Variants in NEB observed in about 807,000 individuals in gnomAD.
The protein encoded by NEB is nemaline myopathy type 2.
A neutral mutation model predicts 952.2 loss-of-function variants in NEB; 512 were observed. The ratio of observed to expected loss-of-function variants is 0.54; its 90% CI spans 0.50 to 0.58. The LOEUF is 0.58. Among genes scored for constraint, NEB ranks in the 20% least tolerant of loss-of-function variants. NEB has a pLI of 0.00. For synonymous variants in NEB, 2,900 were observed against 3,149.8 expected (o/e 0.92, Z 2.66); for missense variants, 8,428 against 9,231.1 (o/e 0.91, Z 3.56).
rs770784055 is a variant in NEB at position 151,717,476 on chromosome 2, C to T, written c.762G>A (p.Thr254=). Residue 254 remains threonine, a synonymous_variant, in exon 10 of 182, where the codon ACG becomes ACA. Coordinates refer to ENST00000397345, the MANE Select transcript of NEB (RefSeq NM_001164508.2). ...CTATATCTGGAGGATCAGCCAGAGG[C>T]GTGAATTGAGCTTGCTGTTCAGCGA... ...KGLAEQQAQF[T]PLADPPDIEF... is the part of the protein sequence containing the mutation. 33 of 1,613,746 alleles carry T rather than the reference C, an allele frequency of 2.0e-5. No homozygotes were observed. Among genetic ancestry groups the T allele is most frequent in the East Asian group, 8.9e-5 (4 of 44,888 alleles).
At chr2:151,486,014 A>G in intron 181 of NEB, 81 bp from the exon 182 acceptor site, 2 of 1,404,926 alleles carry the variant, frequency 1.4e-6, no homozygotes, top group Non-Finnish European at 2.0e-6. Context: ...AAGATCTCTC[A>G]TGACTGACTC....
intron 10 of NEB, among the ~76,000 whole-genome samples, chr2:151,712,814 G>GT (rs2099748891): frequency 6.6e-6 from 1 of 152,062 alleles, no homozygotes; most frequent in African/African-American, 2.4e-5. Context: ...CAGAGCTTTT[G>GT]TACAATACAT....
rs755544084 is a variant in NEB, at chr2:151,524,623, T to A, written c.22273-7A>T. 1.3e-6 allele frequency: 2 copies of A among 1,556,112 alleles called. No individual in the cohort carries two copies. Among genetic ancestry groups the A allele is most frequent in the Non-Finnish European group, 1.8e-6 (2 of 1,133,532 alleles). ...CATCTTTTCTGTAAGCGACCTTTAT[T>A]GGGGAAGAAAATGTTTACTCAAGAG... On this transcript the variant is annotated splice_polypyrimidine_tract_variant and splice_region_variant and intron_variant, in intron 151 of 181. Coordinates refer to ENST00000397345, the MANE Select transcript of NEB (RefSeq NM_001164508.2).
chr2:151,631,438 G>A, intron 65 of NEB, 92 bp from the exon 66 acceptor site: 1 of 1,356,602 alleles, frequency 7.4e-7, no homozygotes, highest in Non-Finnish European at 9.9e-7. Context: ...GTGCAATTCT[G>A]TTTTCTATTC....
rs56333529 is a variant in NEB, at chr2:151,698,064, T to TCAAAACAAAACAAAA, written c.1153-431_1153-417dup. 8.6e-5 allele frequency among the ~76,000 whole-genome samples: 13 copies of TCAAAACAAAACAAAA among 150,730 alleles called. No homozygotes were observed. The East Asian group carries it at 1.2e-3, about 14-fold the overall frequency. On this transcript the variant is annotated intron_variant, in intron 13 of 181. Coordinates refer to ENST00000397345, the MANE Select transcript of NEB (RefSeq NM_001164508.2). ...CCGGGCGACAATGCGAGACTCCGTCTCAAAACAAAACAAAACAAAACAAAA... is the reference window on the plus strand; with the variant it reads ...CCGGGCGACAATGCGAGACTCCGTCTCAAAACAAAACAAAACAAAACAAAACAAAACAAAACAAAA...
At chr2:151,619,378 G>T in intron 73 of NEB, 73 bp downstream of exon 73, 1 of 1,385,772 alleles carries the variant, frequency 7.2e-7, no homozygotes, top group South Asian at 1.5e-5. Flanking sequence ...GCAGTTCATT[G>T]GCACTAGTCA....
At chr2:151,693,417 G>A (rs909188724) in intron 20 of NEB, among the ~76,000 whole-genome samples, 4 of 145,002 alleles carry the variant, frequency 2.8e-5, no homozygotes, top group African/African-American at 1.0e-4. Flanking sequence ...ATGTTCTCCC[G>A]CCTCCCCCAC....
At chr2:151,710,754 A>G (rs2099742629) in intron 10 of NEB, among the ~76,000 whole-genome samples, 1 of 152,186 alleles carries the variant, frequency 6.6e-6, no homozygotes, top group South Asian at 2.1e-4. Flanking sequence ...AGAGGGTACT[A>G]ACGCCCCCTC....
intron 159 of NEB, among the ~76,000 whole-genome samples, 183 bp from the exon 160 acceptor site, chr2:151,513,876 GA>G (rs1347238184): frequency 6.6e-6 from 1 of 152,148 alleles, no homozygotes; most frequent in East Asian, 1.9e-4. Flanking sequence ...AAGCCCTCTG[GA>G]GGAAACTATT....
chr2:151,665,910 T>A (rs1263373473), intron 41 of NEB, among the ~76,000 whole-genome samples, 180 bp downstream of exon 41: 1 of 152,220 alleles, frequency 6.6e-6, no homozygotes, highest in African/African-American at 2.4e-5. Context: ...TTTGTATGCA[T>A]ATATATAAAA....
intron 70 of NEB, 151 bp downstream of exon 70, chr2:151,626,851 A>G (rs2098536561): frequency 2.0e-6 from 2 of 1,015,424 alleles, no homozygotes; most frequent in Non-Finnish European, 1.4e-6. Flanking sequence ...GCTCCCATAT[A>G]TTGTTATCTA....
At chr2:151,507,253 T>G in intron 162 of NEB, 2 of 416,944 alleles carry the variant, frequency 4.8e-6, no homozygotes, top group Non-Finnish European at 8.5e-6. Flanking sequence ...CTTAGTAGAT[T>G]TAACTTTGAA....
rs869125440 is a variant in NEB, at chr2:151,576,516, A to AT, written c.16705-163dup. ...TATATATATATATATATATATATAT[A>AT]TTTTTTTTTTTTTTTTTTTTTTTTT... On this transcript the variant is annotated intron_variant, in intron 105 of 181. Coordinates refer to ENST00000397345, the MANE Select transcript of NEB (RefSeq NM_001164508.2). 6.9e-3 allele frequency among the ~76,000 whole-genome samples: 130 copies of AT among 18,882 alleles called. 25 individuals are homozygous for AT. Among genetic ancestry groups the AT allele is most frequent in the East Asian group, 0.031 (10 of 320 alleles). The allele number at this position is 18,882 out of a possible 152,430, so 12.4% of individuals were successfully genotyped here. A position where few individuals can be genotyped will look rare whatever the true frequency, so the allele number is the denominator to read the frequency against.
rs2060032030 is a variant in NEB at position 151,496,169 on chromosome 2, A to G, written c.24486+107T>C. On this transcript the variant is annotated intron_variant, in intron 173 of 181. Transcript: ENST00000397345. ...AGGGTAAATTTGCTAAAGAAATTTC[A>G]CAAAATTTAAGTTGTCTTTAAAAAG... 3 of 1,267,866 alleles carry G rather than the reference A, an allele frequency of 2.4e-6. No homozygotes were observed. The African/African-American group carries it at 4.5e-5, about 19-fold the overall frequency. 78.5% of individuals were successfully genotyped at this position (1,267,866 alleles called of 1,614,324 possible).
intron 68 of NEB, among the ~76,000 whole-genome samples, chr2:151,629,011 C>A (rs569703584): frequency 6.6e-6 from 1 of 152,086 alleles, no homozygotes; most frequent in Non-Finnish European, 1.5e-5. Flanking sequence ...TTGTTTTCCT[C>A]GTCTTTGTCT....
intron 84 of NEB, among the ~76,000 whole-genome samples, chr2:151,605,871 G>A (rs1321976284): frequency 1.0e-5 from 1 of 98,602 alleles, no homozygotes; most frequent in Non-Finnish European, 2.6e-5. Context: ...GCATGATCTC[G>A]GCTTACTGCA....
At chr2:151,595,471 C>T (rs1301690186) in intron 92 of NEB, among the ~76,000 whole-genome samples, 3 of 149,910 alleles carry the variant, frequency 2.0e-5, no homozygotes, top group South Asian at 4.2e-4. Flanking sequence ...TGAGGTTTTA[C>T]CATGTTGGCC....
chr2:151,733,189 T>C lies in NEB; in HGVS notation c.-29-4A>G, dbSNP rs1230460474. ...GAGTAGTAGTGGCACCTACAAACTT[T>C]TCATATTCCATACAAATGAAAACAT... On this transcript the variant is annotated splice_polypyrimidine_tract_variant and splice_region_variant and intron_variant, in intron 2 of 181. Coordinates refer to ENST00000397345, the MANE Select transcript of NEB (RefSeq NM_001164508.2). 2 of 1,583,868 alleles carry C rather than the reference T, an allele frequency of 1.3e-6. No individual in the cohort carries two copies. The highest frequency in any genetic ancestry group is 3.5e-5 in the Admixed American group (2 of 57,750).
chr2:151,614,268 C>T lies in NEB; in HGVS notation c.11601+8G>A. The T allele has an allele frequency of 6.2e-7, 1 of 1,610,652 alleles. No individual in the cohort carries two copies. Among genetic ancestry groups the T allele is most frequent in the Non-Finnish European group, 8.5e-7 (1 of 1,177,156 alleles). On this transcript the variant is annotated splice_region_variant and intron_variant, in intron 77 of 181. Coordinates refer to ENST00000397345, the MANE Select transcript of NEB (RefSeq NM_001164508.2). ...AAACCATTACTGAAGAATATTAGAGCCACTCACATCACTCTGCAGGTCATA... is the reference window on the plus strand; with the variant it reads ...AAACCATTACTGAAGAATATTAGAGTCACTCACATCACTCTGCAGGTCATA...
Sources: gnomAD v4.1 joint callset for allele counts (sites outside exome capture counted in the v4.1 genomes callset) on GRCh38, gnomAD v4.1.1 for gene constraint, MANE v1.5 for transcripts, NCBI Gene and HGNC (gene_info 2026-07-23, HGNC 2026-07-21) for gene names.